Variants in ELOVL5 observed in about 807,000 individuals in gnomAD.
ELOVL5 encodes the protein ELOVL fatty acid elongase 5, also known as very long chain fatty acid elongase 5.
In ELOVL5, 8 loss-of-function variants were observed where a neutral mutation model predicts 38.6. That is an observed-to-expected ratio of 0.21 (90% confidence interval 0.12 to 0.37). The LOEUF (loss-of-function observed/expected upper bound fraction) is 0.37, where lower values mean the gene tolerates loss of function less well. Ranked by LOEUF, ELOVL5 falls within the 10% of genes least tolerant of loss-of-function variation. The pLI is 1.00. For synonymous variants in ELOVL5, 127 were observed against 133.7 expected, an observed-to-expected ratio of 0.95 and a Z score of 0.34; for missense variants, 280 against 367.8, an observed-to-expected ratio of 0.76 and a Z score of 1.95.
At chr6:53,329,346 A>C (rs1269706529) in intron 1 of ELOVL5, among the ~76,000 whole-genome samples, 1 of 152,198 alleles carries the variant, frequency 6.6e-6, no homozygotes, top group Non-Finnish European at 1.5e-5. Context: ...AAATGTTTTC[A>C]TAATTGTTTT....
Position 53,323,628 on chromosome 6 carries a change from G to A in ELOVL5, c.-9+25189C>T, listed in dbSNP as rs1284814760. On this transcript the variant is annotated intron_variant, in intron 1 of 7. Coordinates refer to ENST00000304434, the MANE Select transcript of ELOVL5 (RefSeq NM_021814.5). ...ACGGAGTTTTGCTCTTGTTGCCCAG[G>A]CTGAAATGCAGTGGCGTGATCTCGG... Among the ~76,000 whole-genome samples, 7 of 128,248 alleles carry A rather than the reference G, an allele frequency of 5.5e-5. No homozygotes were observed. The East Asian group carries it at 1.2e-3, about 22-fold the overall frequency. The allele number at this position is 128,248 out of a possible 152,430, so 84.1% of individuals were successfully genotyped here. A position where few individuals can be genotyped will look rare whatever the true frequency, so the allele number is the denominator to read the frequency against.
At chr6:53,306,228 AGAGGGGAGAGGGAGAGGG>A (rs1767542370) in intron 1 of ELOVL5, among the ~76,000 whole-genome samples, 1 of 22,594 alleles carries the variant, frequency 4.4e-5, no homozygotes, top group African/African-American at 4.9e-4. Context: ...GGGAGAGGGG[AGAGGGGAGAGGGAGAGGG>A]GAGAGGGGAG....
chr6:53,276,344 A>G, intron 3 of ELOVL5, 88 bp from the exon 4 acceptor site: 2 of 901,158 alleles, frequency 2.2e-6, no homozygotes, highest in Non-Finnish European at 3.7e-6. Context: ...ATCTGTGATA[A>G]TTTACCTTGG....
At chr6:53,335,723 G>A (rs2127593074) in intron 1 of ELOVL5, among the ~76,000 whole-genome samples, 1 of 152,238 alleles carries the variant, frequency 6.6e-6, no homozygotes, top group Admixed American at 6.5e-5. Context: ...AGTACTTTTA[G>A]CTGCACATGG....
intron 5 of ELOVL5, among the ~76,000 whole-genome samples, chr6:53,274,752 C>G (rs1475124177): frequency 6.6e-6 from 1 of 152,284 alleles, no homozygotes; most frequent in East Asian, 1.9e-4. Flanking sequence ...CAGTGTGATC[C>G]TATTTTCCTC....
intron 1 of ELOVL5, among the ~76,000 whole-genome samples, chr6:53,341,326 A>G (rs1003617158): frequency 3.3e-5 from 5 of 152,218 alleles, no homozygotes; most frequent in Non-Finnish European, 1.5e-5. Flanking sequence ...GTAACGATGA[A>G]TAAGAAACTC....
intron 1 of ELOVL5, among the ~76,000 whole-genome samples, chr6:53,297,422 T>C (rs1367103237): frequency 1.3e-5 from 2 of 152,002 alleles, no homozygotes; most frequent in Non-Finnish European, 1.5e-5. Context: ...CAGTTCTGAG[T>C]AGCATGATAA....
At chr6:53,288,391 T>C (rs1314150793) in intron 3 of ELOVL5, among the ~76,000 whole-genome samples, 1 of 152,204 alleles carries the variant, frequency 6.6e-6, no homozygotes, top group African/African-American at 2.4e-5. Context: ...TTCTATAACC[T>C]GGAATTTCAT....
intron 1 of ELOVL5, among the ~76,000 whole-genome samples, chr6:53,313,099 A>G (rs1413103208): frequency 6.6e-6 from 1 of 152,234 alleles, no homozygotes; most frequent in Non-Finnish European, 1.5e-5. Context: ...GCTGTCAAAC[A>G]GTAAGAAAAT....
Position 53,273,340 on chromosome 6 carries a change from A to G in ELOVL5, c.501T>C (p.Tyr167=), listed in dbSNP as rs1302191429. The G allele has an allele frequency of 6.2e-7, 1 of 1,613,708 alleles. No homozygotes were observed. The highest frequency in any genetic ancestry group is 1.3e-5 in the African/African-American group (1 of 75,026). The part of the protein sequence containing the change: ...VMNWVPCGHS[Y]FGATLNSFIH... ...TGAAGCTATTAAGTGTGGCACCAAA[A>G]TAAGCTGCAGGAACAGAGGGATTTG... The change falls in exon 6 of 8, where the codon TAT becomes TAC. Residue 167 remains tyrosine, a synonymous_variant. Coordinates refer to ENST00000304434, the MANE Select transcript of ELOVL5 (RefSeq NM_021814.5).
chr6:53,314,739 C>G (rs1767965203), intron 1 of ELOVL5, among the ~76,000 whole-genome samples: 1 of 152,048 alleles, frequency 6.6e-6, no homozygotes, highest in Non-Finnish European at 1.5e-5. Flanking sequence ...AAAAAAAAAT[C>G]AGCACAAACT....
chr6:53,331,811 C>A (rs116498029), intron 1 of ELOVL5, among the ~76,000 whole-genome samples: 1 of 152,140 alleles, frequency 6.6e-6, no homozygotes, highest in Admixed American at 6.5e-5. Flanking sequence ...TTTGGTGTTG[C>A]TATAAAGGAA....
In ELOVL5 at chr6:53,291,926, A is replaced by G. The variant is rs778790668; in HGVS notation, c.96T>C (p.Tyr32=). ...RVKGWFLLDN[Y]IPTFICSVIY... ...TGACAGAGCAGATAAATGTGGGTATATAATTGTCCAGAAGAAACCATCCTT... is the reference window on the plus strand; with the variant it reads ...TGACAGAGCAGATAAATGTGGGTATGTAATTGTCCAGAAGAAACCATCCTT... The change falls in exon 3 of 8, where the codon TAT becomes TAC. Residue 32 remains tyrosine, a synonymous_variant. Coordinates refer to ENST00000304434, the MANE Select transcript of ELOVL5 (RefSeq NM_021814.5). 6 of 1,603,754 alleles carry G rather than the reference A, an allele frequency of 3.7e-6. No homozygotes were observed. The highest frequency in any genetic ancestry group is 2.2e-5 in the East Asian group (1 of 44,652).
At chr6:53,304,322 G>C (rs912059452) in intron 1 of ELOVL5, among the ~76,000 whole-genome samples, 1 of 152,156 alleles carries the variant, frequency 6.6e-6, no homozygotes, top group African/African-American at 2.4e-5. Context: ...CTCTAACAGA[G>C]GTGCTCTCTT....
At chr6:53,312,111 G>A (rs1043139614) in intron 1 of ELOVL5, among the ~76,000 whole-genome samples, 8 of 152,112 alleles carry the variant, frequency 5.3e-5, no homozygotes, top group African/African-American at 1.9e-4. Context: ...GAAACCTTCC[G>A]TAACCTAGAA....
chr6:53,304,466 A>G (rs1388635123), intron 1 of ELOVL5, among the ~76,000 whole-genome samples: 2 of 141,630 alleles, frequency 1.4e-5, no homozygotes, highest in East Asian at 4.1e-4. Flanking sequence ...ATTTTATTTT[A>G]TTGATCATTC....
chr6:53,280,672 A>C (rs1490658736), intron 3 of ELOVL5, among the ~76,000 whole-genome samples: 1 of 152,160 alleles, frequency 6.6e-6, no homozygotes, highest in Non-Finnish European at 1.5e-5. Flanking sequence ...AGCTCACTGC[A>C]ACCTCCACTT....
chr6:53,304,953 A>G (rs1038463634), intron 1 of ELOVL5, among the ~76,000 whole-genome samples: 13 of 152,090 alleles, frequency 8.5e-5, no homozygotes, highest in African/African-American at 3.1e-4. Context: ...CACCTCCCAG[A>G]CGGGGTGGTG....
At chr6:53,330,235 TTG>T (rs35120345) in intron 1 of ELOVL5, among the ~76,000 whole-genome samples, 55,086 of 151,816 alleles carry the variant, frequency 0.36, 11,074 homozygotes, top group African/African-American at 0.55. Flanking sequence ...TGGCAAGTAT[TTG>T]TATAGCTCAA....
Sources: gnomAD v4.1 joint callset for allele counts (sites outside exome capture counted in the v4.1 genomes callset) on GRCh38, gnomAD v4.1.1 for gene constraint, MANE v1.5 for transcripts, NCBI Gene and HGNC (gene_info 2026-07-23, HGNC 2026-07-21) for gene names.